The following SLC10A7 variants were observed in gnomAD, a reference collection of about 807,000 sequenced individuals.
SLC10A7 encodes sodium/bile acid cotransporter 7.
A neutral mutation model predicts 43.2 loss-of-function variants in SLC10A7; 29 were observed. The observed-to-expected ratio is 0.67, with a 90% CI of 0.50 to 0.92. The LOEUF (loss-of-function observed/expected upper bound fraction) is 0.92, where lower values mean the gene tolerates loss of function less well. Ranked by LOEUF, SLC10A7 falls within the 40% of genes least tolerant of loss-of-function variation. SLC10A7 has a pLI of 0.00. For missense variants in SLC10A7, 295 were observed against 403.2 expected (o/e 0.73, Z 2.30); for synonymous variants, 152 against 144.8 (o/e 1.05, Z -0.35).
At chr4:146,438,081 T>A (rs1227845128) in intron 5 of SLC10A7, among the ~76,000 whole-genome samples, 1 of 152,024 alleles carries the variant, frequency 6.6e-6, no homozygotes, top group Non-Finnish European at 1.5e-5. Flanking sequence ...ATGGCACTTG[T>A]GTTTGGGATT....
intron 7 of SLC10A7, among the ~76,000 whole-genome samples, chr4:146,303,901 G>A (rs1283245594): frequency 6.6e-6 from 1 of 151,682 alleles, no homozygotes; most frequent in African/African-American, 2.4e-5. Context: ...TATGAACCTA[G>A]AGCTAGGGAG....
At chr4:146,427,189 G>A in intron 5 of SLC10A7, among the ~76,000 whole-genome samples, 1 of 152,080 alleles carries the variant, frequency 6.6e-6, no homozygotes, top group East Asian at 1.9e-4. Flanking sequence ...CAAAAAATTA[G>A]CTGGGCATGG....
At chr4:146,337,467 A>G (rs1733967957) in intron 5 of SLC10A7, among the ~76,000 whole-genome samples, 1 of 152,010 alleles carries the variant, frequency 6.6e-6, no homozygotes, top group Non-Finnish European at 1.5e-5. Flanking sequence ...ATCATTTCAC[A>G]TTATCCAATG....
intron 4 of SLC10A7, among the ~76,000 whole-genome samples, chr4:146,455,668 A>G (rs1056578802): frequency 6.6e-6 from 1 of 151,876 alleles, no homozygotes; most frequent in African/African-American, 2.4e-5. Context: ...CAGAACTGCA[A>G]TGGACTTCGC....
intron 5 of SLC10A7, among the ~76,000 whole-genome samples, chr4:146,429,356 G>C (rs2149865890): frequency 6.6e-6 from 1 of 152,250 alleles, no homozygotes; most frequent in East Asian, 1.9e-4. Context: ...TAAATGAAGA[G>C]AGATTAAAAT....
chr4:146,426,536 A>C (rs1729366224), intron 5 of SLC10A7, among the ~76,000 whole-genome samples: 1 of 152,170 alleles, frequency 6.6e-6, no homozygotes, highest in Non-Finnish European at 1.5e-5. Context: ...TTAAATAAGT[A>C]AATAAAAAGA....
At chr4:146,310,685 A>C (rs1340714597) in intron 6 of SLC10A7, among the ~76,000 whole-genome samples, 1 of 152,100 alleles carries the variant, frequency 6.6e-6, no homozygotes, top group East Asian at 1.9e-4. Flanking sequence ...TTCTCACAGC[A>C]ACCCCTTGAT....
chr4:146,491,391 G>A (rs1162695670), intron 4 of SLC10A7, among the ~76,000 whole-genome samples: 1 of 152,116 alleles, frequency 6.6e-6, no homozygotes, highest in African/African-American at 2.4e-5. Flanking sequence ...TGACTCAAGA[G>A]GAAATATGAA....
At chr4:146,417,782 G>C (rs1314879164) in intron 5 of SLC10A7, among the ~76,000 whole-genome samples, 2 of 152,094 alleles carry the variant, frequency 1.3e-5, no homozygotes, top group Non-Finnish European at 2.9e-5. Context: ...AATTTTCTTT[G>C]ATTCTTTCAG....
At chr4:146,403,986 C>G (rs1739398043) in intron 5 of SLC10A7, among the ~76,000 whole-genome samples, 1 of 151,968 alleles carries the variant, frequency 6.6e-6, no homozygotes, top group Non-Finnish European at 1.5e-5. Flanking sequence ...GCTAAATTAC[C>G]AAATAGAAAG....
chr4:146,293,863 A>T, intron 8 of SLC10A7, 67 bp downstream of exon 8: 1 of 1,031,022 alleles, frequency 9.7e-7, no homozygotes, highest in Non-Finnish European at 1.4e-6. Context: ...TTTAGAGAAC[A>T]CACAGTGCTA....
At chr4:146,445,601 A>T (rs1445292525) in intron 4 of SLC10A7, among the ~76,000 whole-genome samples, 1 of 152,154 alleles carries the variant, frequency 6.6e-6, no homozygotes, top group Admixed American at 6.5e-5. Context: ...GCGGAGGGTC[A>T]GGGTGACAGC....
intron 5 of SLC10A7, among the ~76,000 whole-genome samples, chr4:146,384,816 C>T (rs1034909950): frequency 6.6e-6 from 1 of 151,992 alleles, no homozygotes; most frequent in Admixed American, 6.6e-5. Flanking sequence ...TTAACAATGG[C>T]TATCCATAAG....
At chr4:146,405,074 A>T (rs1252469882) in intron 5 of SLC10A7, among the ~76,000 whole-genome samples, 1 of 152,216 alleles carries the variant, frequency 6.6e-6, no homozygotes, top group Non-Finnish European at 1.5e-5. Context: ...CTCAGTTTAC[A>T]GGAAGATTTA....
At chr4:146,444,771 G>A (rs1331202728) in intron 4 of SLC10A7, among the ~76,000 whole-genome samples, 35 of 152,238 alleles carry the variant, frequency 2.3e-4, no homozygotes, top group African/African-American at 8.2e-4. Context: ...CTGTCCTCCT[G>A]TGCAGTGAGC....
At chr4:146,327,770 C>A (rs556518797) in intron 5 of SLC10A7, among the ~76,000 whole-genome samples, 1 of 152,218 alleles carries the variant, frequency 6.6e-6, no homozygotes, top group African/African-American at 2.4e-5. Flanking sequence ...ACTACCTGTG[C>A]GCATTGTCCA....
At chr4:146,379,458 A>C (rs575296177) in intron 5 of SLC10A7, among the ~76,000 whole-genome samples, 70 of 152,310 alleles carry the variant, frequency 4.6e-4, no homozygotes, top group African/African-American at 1.6e-3. Context: ...TGGTTATCTT[A>C]ATATTATAAT....
chr4:146,260,943 G>C (rs2110987967), intron 10 of SLC10A7, among the ~76,000 whole-genome samples: 1 of 152,278 alleles, frequency 6.6e-6, no homozygotes, highest in East Asian at 1.9e-4. Flanking sequence ...GCAACTGCTA[G>C]GGCTACCCCA....
chr4:146,468,432 T>A (rs765012317), intron 4 of SLC10A7, among the ~76,000 whole-genome samples: 3 of 151,768 alleles, frequency 2.0e-5, no homozygotes, highest in African/African-American at 4.8e-5. Flanking sequence ...CATGGAGCAA[T>A]GCATTTATTT....
Sources: gnomAD v4.1 joint callset for allele counts (sites outside exome capture counted in the v4.1 genomes callset) on GRCh38, gnomAD v4.1.1 for gene constraint, MANE v1.5 for transcripts, NCBI Gene and HGNC (gene_info 2026-07-23, HGNC 2026-07-21) for gene names.